TOM1L2: variants seen among roughly 807,000 people sequenced by gnomAD.
The protein encoded by TOM1L2 is TOM1-like protein 2.
Under a neutral mutation model 67.9 loss-of-function variants are expected in TOM1L2, and 31 were observed. That is an observed-to-expected ratio of 0.46 (90% CI 0.34 to 0.62). The LOEUF (loss-of-function observed/expected upper bound fraction) is 0.62, where lower values mean the gene tolerates loss of function less well. Among genes scored for constraint, TOM1L2 ranks in the 20% least tolerant of loss-of-function variants. The pLI, the probability that TOM1L2 is intolerant of heterozygous loss-of-function variation, is 0.01. For synonymous variants in TOM1L2, 256 were observed against 254.0 expected, an observed-to-expected ratio of 1.01 and a Z score of -0.07; for missense variants, 606 against 663.5, an observed-to-expected ratio of 0.91 and a Z score of 0.95.
intron 1 of TOM1L2, among the ~76,000 whole-genome samples, chr17:17,943,549 T>C (rs1010306532): frequency 2.0e-5 from 3 of 152,134 alleles, no homozygotes; most frequent in Non-Finnish European, 4.4e-5. Context: ...CCAGTGCAAA[T>C]GCATGGAAAG....
In TOM1L2 at chr17:17,882,366, T is replaced by A. The variant is rs544445317; in HGVS notation, c.660+339A>T. Among the ~76,000 whole-genome samples the A allele has an allele frequency of 6.6e-4, 101 of 152,322 alleles. No homozygotes were observed. The Middle Eastern group carries it at 0.01, about 15-fold the overall frequency. ...CTGCTCCGAGAGAGCAGCGTCTGCA[T>A]CTCTGCATTTAAATGTCATTGCTGA... On this transcript the variant is annotated intron_variant, in intron 6 of 14. Coordinates refer to ENST00000379504, the MANE Select transcript of TOM1L2 (RefSeq NM_001082968.2).
At chr17:17,913,596 T>C (rs902046049) in intron 1 of TOM1L2, among the ~76,000 whole-genome samples, 9 of 152,168 alleles carry the variant, frequency 5.9e-5, no homozygotes, top group Non-Finnish European at 1.0e-4. Flanking sequence ...ATGGTTGTGT[T>C]TGTGTGGCAT....
intron 3 of TOM1L2, 143 bp from the exon 4 acceptor site, chr17:17,893,953 C>T (rs2038424702): frequency 1.3e-6 from 1 of 751,144 alleles, no homozygotes; most frequent in South Asian, 1.9e-5. Context: ...CAGAGCCAAA[C>T]CTGCATGGCA....
At chr17:17,868,578 C>T (rs1465273081) in intron 8 of TOM1L2, among the ~76,000 whole-genome samples, 3 of 152,138 alleles carry the variant, frequency 2.0e-5, no homozygotes, top group African/African-American at 7.3e-5. Context: ...ATGGTCCTTT[C>T]TGGTCCTTAT....
At chr17:17,848,659 CG>C (rs1242037475) in intron 14 of TOM1L2, among the ~76,000 whole-genome samples, 163 bp downstream of exon 14, 2 of 152,358 alleles carry the variant, frequency 1.3e-5, no homozygotes, top group East Asian at 1.9e-4. Flanking sequence ...CCCAAATCAG[CG>C]TAAGACCTGG....
chr17:17,884,758 T>C lies in TOM1L2; in HGVS notation c.377A>G (p.Asp126Gly). ...GAGATCAGGACTGCTTCGAAAGGCATCAGCCCATGCCTGGGATAATAGAAG... is the reference window on the plus strand; with the variant it reads ...GAGATCAGGACTGCTTCGAAAGGCACCAGCCCATGCCTGGGATAATAGAAG... ...KVLALIQAWA[D>G]AFRSSPDLTG... Residue 126 changes from aspartate to glycine, a missense_variant, in exon 5 of 15, where the codon GAT becomes GGT. Physicochemically the swap from Asp to Gly is moderately conservative, Grantham distance 94 (BLOSUM62 -1). Transcript: ENST00000379504. The C allele has an allele frequency of 6.2e-7, 1 of 1,613,480 alleles. No individual in the cohort carries two copies. The highest frequency in any genetic ancestry group is 8.5e-7 in the Non-Finnish European group (1 of 1,180,020).
At chr17:17,904,589 G>A (rs1022046976) in intron 2 of TOM1L2, among the ~76,000 whole-genome samples, 1 of 152,130 alleles carries the variant, frequency 6.6e-6, no homozygotes, top group African/African-American at 2.4e-5. Flanking sequence ...AGGCTTGTTA[G>A]CAAGGGAGCA....
intron 1 of TOM1L2, among the ~76,000 whole-genome samples, chr17:17,930,247 G>A (rs4924827): frequency 6.6e-6 from 1 of 152,112 alleles, no homozygotes; most frequent in Admixed American, 6.5e-5. Flanking sequence ...AGAAAGTGGG[G>A]TATAGAGAAT....
At chr17:17,926,310 T>C (rs1359688706) in intron 1 of TOM1L2, among the ~76,000 whole-genome samples, 1 of 152,104 alleles carries the variant, frequency 6.6e-6, no homozygotes, top group Non-Finnish European at 1.5e-5. Context: ...GGCATTTTAT[T>C]CTGACCAGGC....
At chr17:17,951,526 T>C (rs369075728) in intron 1 of TOM1L2, among the ~76,000 whole-genome samples, 2 of 152,168 alleles carry the variant, frequency 1.3e-5, no homozygotes, top group South Asian at 2.1e-4. Flanking sequence ...AAAAATTTGG[T>C]TTCCTCAGGA....
At chr17:17,969,405 G>A (rs577181117) in intron 1 of TOM1L2, among the ~76,000 whole-genome samples, 2 of 152,130 alleles carry the variant, frequency 1.3e-5, no homozygotes, top group African/African-American at 2.4e-5. Context: ...TTTTATTTCT[G>A]TATTCCCCCT....
At chr17:17,929,783 A>G (rs983236524) in intron 1 of TOM1L2, among the ~76,000 whole-genome samples, 7 of 152,252 alleles carry the variant, frequency 4.6e-5, no homozygotes, top group Admixed American at 1.3e-4. Context: ...ACAATTCTGC[A>G]CACACTTTCA....
rs1373747107 is a variant in TOM1L2 at position 17,972,182 on chromosome 17, G to A, written c.52+80C>T. 4.0e-6 allele frequency: 6 copies of A among 1,517,990 alleles called. No individual in the cohort carries two copies. In the African/African-American group the frequency reaches 7.0e-5, roughly 18 times the overall value. The allele number at this position is 1,517,990 out of a possible 1,614,324, so 94.0% of individuals were successfully genotyped here. On this transcript the variant is annotated intron_variant, in intron 1 of 14. Coordinates refer to ENST00000379504, the MANE Select transcript of TOM1L2 (RefSeq NM_001082968.2). ...AGCCCGCTCGTGAAGTGGCACCGGC[G>A]CCCGGCGGAGGCCCGCGGTCCTCAC...
intron 1 of TOM1L2, among the ~76,000 whole-genome samples, chr17:17,939,117 A>G (rs1297116864): frequency 1.3e-5 from 2 of 152,250 alleles, no homozygotes; most frequent in African/African-American, 2.4e-5. Flanking sequence ...GTTTCTACCC[A>G]TTACTGAAGT....
intron 10 of TOM1L2, 147 bp from the exon 11 acceptor site, chr17:17,862,995 A>G (rs2036644804): frequency 1.5e-6 from 1 of 657,598 alleles, no homozygotes; most frequent in Non-Finnish European, 2.7e-6. Context: ...CTCCCAGTGC[A>G]CCACATGCCG....
At chr17:17,865,607 G>A (rs2036802600) in intron 10 of TOM1L2, among the ~76,000 whole-genome samples, 1 of 151,958 alleles carries the variant, frequency 6.6e-6, no homozygotes, top group South Asian at 2.1e-4. Flanking sequence ...TCAAACTCCT[G>A]ACCTCAAGTG....
At chr17:17,895,965 C>T (rs914837470) in intron 3 of TOM1L2, among the ~76,000 whole-genome samples, 4 of 152,140 alleles carry the variant, frequency 2.6e-5, no homozygotes, top group Admixed American at 2.0e-4. Context: ...CTGGCTGCAC[C>T]TTAGGAGGCC....
chr17:17,874,900 A>G (rs946153959), intron 7 of TOM1L2, among the ~76,000 whole-genome samples: 2 of 152,174 alleles, frequency 1.3e-5, no homozygotes, highest in Non-Finnish European at 2.9e-5. Flanking sequence ...AGGGATTTCC[A>G]GGGGTCTCTG....
chr17:17,931,418 G>A (rs551946414), intron 1 of TOM1L2, among the ~76,000 whole-genome samples: 1 of 152,338 alleles, frequency 6.6e-6, no homozygotes, highest in African/African-American at 2.4e-5. Flanking sequence ...TATATGCTGT[G>A]TGATCCTAAC....
Sources: allele counts gnomAD v4.1 joint callset (sites outside exome capture counted in the v4.1 genomes callset), GRCh38; gene constraint gnomAD v4.1.1; transcripts MANE v1.5; gene names NCBI Gene and HGNC (gene_info 2026-07-23, HGNC 2026-07-21).